Variants in OMA1 observed in about 807,000 individuals in gnomAD.
The protein encoded by OMA1 is metalloendopeptidase OMA1, mitochondrial.
In OMA1, 38 loss-of-function variants were observed where a neutral mutation model predicts 30.9. That is an observed-to-expected ratio of 1.23 (90% CI 0.95 to 1.61). The LOEUF (loss-of-function observed/expected upper bound fraction) is 1.61. Ranked by LOEUF, OMA1 falls within the 40% of genes most tolerant of loss-of-function variation. OMA1 has a pLI of 0.00. For missense variants in OMA1, 461 were observed against 349.2 expected, an observed-to-expected ratio of 1.32 and a Z score of -2.55; for synonymous variants, 173 against 121.9, an observed-to-expected ratio of 1.42 and a Z score of -2.76.
At chr1:58,489,512 G>A (rs547659184) in intron 8 of OMA1, among the ~76,000 whole-genome samples, 8 of 152,188 alleles carry the variant, frequency 5.3e-5, no homozygotes, top group Non-Finnish European at 5.9e-5. Flanking sequence ...CTCCACCTCT[G>A]GGGGCAGGGC....
Position 58,527,229 on chromosome 1 carries a change from CA to C in OMA1, c.1215+31del, listed in dbSNP as rs745604810. 3.5e-6 allele frequency: 3 copies of C among 866,392 alleles called. No individual in the cohort carries two copies. The African/African-American group carries it at 4.9e-5, about 14-fold the overall frequency. The allele number at this position is 866,392 out of a possible 1,614,324, so 53.7% of individuals were successfully genotyped here. On this transcript the variant is annotated intron_variant, in intron 7 of 8. Coordinates refer to ENST00000371226, the MANE Select transcript of OMA1 (RefSeq NM_145243.5). The stretch of plus-strand genomic sequence containing the variant: ...CGTTTATCTTTCAGCCTGGGAAGGG[CA>C]TTATGTATTCTCAACTACTAAACAC...
rs542757392 is a variant in OMA1 at position 58,484,332 on chromosome 1, A to C, written c.1366-3158T>G. Among the ~76,000 whole-genome samples the C allele has an allele frequency of 7.9e-5, 12 of 152,328 alleles. No homozygotes were observed. In the South Asian group the frequency reaches 2.5e-3, roughly 32 times the overall value. On this transcript the variant is annotated intron_variant, in intron 8 of 8. Coordinates refer to ENST00000371226, the MANE Select transcript of OMA1 (RefSeq NM_145243.5). Reference sequence around the variant, plus strand: ...TGGAGATATGTGAAGTCTAACACCCAAAATAGAATGATCTGATCAAAGAGT... The same window carrying C: ...TGGAGATATGTGAAGTCTAACACCCCAAATAGAATGATCTGATCAAAGAGT...
At chr1:58,507,298 C>T (rs888070985) in intron 7 of OMA1, among the ~76,000 whole-genome samples, 1 of 151,732 alleles carries the variant, frequency 6.6e-6, no homozygotes, top group African/African-American at 2.4e-5. Context: ...ATATACTATA[C>T]TGACTAAAAT....
chr1:58,492,777 G>C (rs1386535800), intron 8 of OMA1, among the ~76,000 whole-genome samples: 1 of 152,092 alleles, frequency 6.6e-6, no homozygotes, highest in Non-Finnish European at 1.5e-5. Context: ...ATAATTAATA[G>C]CTTACCAACC....
intron 8 of OMA1, among the ~76,000 whole-genome samples, chr1:58,498,254 C>A (rs200916263): frequency 8.7e-5 from 13 of 148,716 alleles, no homozygotes; most frequent in South Asian, 4.3e-4. Context: ...AAAAAAAAAA[C>A]AACTTTTTCC....
chr1:58,527,225 A>C (rs1449090029), intron 7 of OMA1, 36 bp downstream of exon 7: 1 of 862,428 alleles, frequency 1.2e-6, no homozygotes, highest in African/African-American at 1.6e-5. Flanking sequence ...CAGCCTGGGA[A>C]GGGCATTATG....
intron 1 of OMA1, among the ~76,000 whole-genome samples, chr1:58,540,705 A>C (rs1646593146): frequency 6.8e-6 from 1 of 146,342 alleles, no homozygotes; most frequent in Admixed American, 7.3e-5. Flanking sequence ...ACAGAGAAAA[A>C]ATACAATAAT....
At position 58,490,795 on chromosome 1, in the gene OMA1, C is replaced by CTTTTTT. The variant is rs148145860; in HGVS notation, c.1366-9627_1366-9622dup. ...AGAGTGGGGGCCAATAGTCAACATT[C>CTTTTTT]TTTTTTTTTTTTTTTTTTTTTTTTT... is the stretch of plus-strand genomic sequence containing the variant. On this transcript the variant is annotated intron_variant, in intron 8 of 8. Coordinates refer to ENST00000371226, the MANE Select transcript of OMA1 (RefSeq NM_145243.5). 1.2e-3 allele frequency among the ~76,000 whole-genome samples: 72 copies of CTTTTTT among 59,278 alleles called. 6 individuals are homozygous for CTTTTTT. The highest frequency in any genetic ancestry group is 5.0e-3 in the East Asian group (7 of 1,388). The allele number at this position is 59,278 out of a possible 152,430, so 38.9% of individuals were successfully genotyped here. A position where few individuals can be genotyped will look rare whatever the true frequency, so the allele number is the denominator to read the frequency against.
At chr1:58,484,388 T>A (rs1645539749) in intron 8 of OMA1, among the ~76,000 whole-genome samples, 1 of 152,226 alleles carries the variant, frequency 6.6e-6, no homozygotes, top group Non-Finnish European at 1.5e-5. Flanking sequence ...TTTTGTTATA[T>A]AGGACCAAAC....
chr1:58,499,287 G>A (rs1195787022), intron 8 of OMA1, among the ~76,000 whole-genome samples: 1 of 140,372 alleles, frequency 7.1e-6, no homozygotes, highest in African/African-American at 2.7e-5. Context: ...TTGCCAGCCA[G>A]GGCAACACAG....
chr1:58,494,909 GC>G (rs1645769211), intron 8 of OMA1, among the ~76,000 whole-genome samples: 1 of 152,054 alleles, frequency 6.6e-6, no homozygotes. Context: ...CCCAGCCATC[GC>G]ATTACTGGGT....
At chr1:58,500,935 G>A (rs940888777) in intron 8 of OMA1, among the ~76,000 whole-genome samples, 6 of 151,978 alleles carry the variant, frequency 3.9e-5, no homozygotes, top group African/African-American at 1.2e-4. Flanking sequence ...CTCTTTCAAC[G>A]ACAAATTATA....
chr1:58,508,200 A>G (rs1646019677), intron 7 of OMA1, among the ~76,000 whole-genome samples: 2 of 152,188 alleles, frequency 1.3e-5, no homozygotes, highest in African/African-American at 4.8e-5. Flanking sequence ...TTTAATGTTA[A>G]GATAAGAGTG....
At chr1:58,520,649 T>G (rs984904001) in intron 7 of OMA1, among the ~76,000 whole-genome samples, 1 of 151,968 alleles carries the variant, frequency 6.6e-6, no homozygotes, top group Admixed American at 6.6e-5. Flanking sequence ...AAGCACTAAC[T>G]GAAAGAAAGC....
chr1:58,512,890 T>C (rs1360723643), intron 7 of OMA1, among the ~76,000 whole-genome samples: 1 of 150,086 alleles, frequency 6.7e-6, no homozygotes, highest in African/African-American at 2.5e-5. Flanking sequence ...GTAGATCTCA[T>C]GTTAAATGTA....
At position 58,539,211 on chromosome 1, in the gene OMA1, A is replaced by C; in HGVS notation, c.84T>G (p.Cys28Trp). Reference sequence around the variant, plus strand: ...CCCGTGAGGTGGATGCTAATGTGTTACATTTTCTCCAGTTAGACAGTGAAT... The same window carrying C: ...CCCGTGAGGTGGATGCTAATGTGTTCCATTTTCTCCAGTTAGACAGTGAAT... The part of the protein sequence containing the change: ...RFNSLSNWRK[C>W]NTLASTSRGC... Residue 28 changes from cysteine (C) to tryptophan (W), a missense_variant, in exon 2 of 9, where the codon TGT becomes TGG. Transcript: ENST00000371226. 1.1e-6 allele frequency: 1 copy of C among 872,844 alleles called. No individual in the cohort carries two copies. Among genetic ancestry groups the C allele is most frequent in the Non-Finnish European group, 2.0e-6 (1 of 501,644 alleles). The allele number at this position is 872,844 out of a possible 1,614,324, so 54.1% of individuals were successfully genotyped here.
intron 5 of OMA1, among the ~76,000 whole-genome samples, chr1:58,531,433 AAATAG>A (rs1422053881): frequency 1.3e-5 from 2 of 152,210 alleles, no homozygotes; most frequent in African/African-American, 4.8e-5. Flanking sequence ...ATTTTTCATA[AAATAG>A]TTGTTTTGAG....
chr1:58,524,008 G>A (rs1204501790), intron 7 of OMA1, among the ~76,000 whole-genome samples: 1 of 152,160 alleles, frequency 6.6e-6, no homozygotes, highest in Non-Finnish European at 1.5e-5. Context: ...TGTGTAGCAG[G>A]CCTTTTTGCT....
At chr1:58,481,495 C>T (rs752482755) in intron 8 of OMA1, among the ~76,000 whole-genome samples, 2 of 151,612 alleles carry the variant, frequency 1.3e-5, no homozygotes, top group Non-Finnish European at 2.9e-5. Flanking sequence ...TCTAGCAGAC[C>T]GGAGAATCAT....
Sources: allele counts gnomAD v4.1 joint callset (sites outside exome capture counted in the v4.1 genomes callset), GRCh38; gene constraint gnomAD v4.1.1; transcripts MANE v1.5; gene names NCBI Gene and HGNC (gene_info 2026-07-23, HGNC 2026-07-21).